CLN3: variants seen among roughly 807,000 people sequenced by gnomAD.
CLN3 encodes the protein CLN3 lysosomal/endosomal transmembrane protein, battenin.
In CLN3, 49 loss-of-function variants were observed where a neutral mutation model predicts 60.7. The ratio of observed to expected loss-of-function variants is 0.81; its 90% CI spans 0.64 to 1.02. CLN3 has a LOEUF of 1.02. CLN3 is among the 50% of genes least tolerant of loss of function. The pLI is 0.00. For missense variants in CLN3, 516 were observed against 557.4 expected, an observed-to-expected ratio of 0.93 and a Z score of 0.75; for synonymous variants, 256 against 245.8, an observed-to-expected ratio of 1.04 and a Z score of -0.39.
intron 9 of CLN3, 92 bp from the exon 10 acceptor site, chr16:28,484,210 T>A: frequency 1.1e-6 from 1 of 872,750 alleles, no homozygotes; most frequent in Non-Finnish European, 1.9e-6. Flanking sequence ...GGAACACCTC[T>A]ACCTTTGAAC....
At chr16:28,489,091 G>A (rs925084858) in intron 4 of CLN3, among the ~76,000 whole-genome samples, 199 bp downstream of exon 4, 2 of 151,994 alleles carry the variant, frequency 1.3e-5, no homozygotes, top group Non-Finnish European at 2.9e-5. Flanking sequence ...TAGTAGAGTC[G>A]GAGTTTCACC....
Position 28,482,330 on chromosome 16 carries a change from C to A in CLN3, c.959G>T (p.Arg320Leu), listed in dbSNP as rs138636923. The A allele has an allele frequency of 6.2e-7, 1 of 1,613,542 alleles. No homozygotes were observed. Among genetic ancestry groups the A allele is most frequent in the South Asian group, 1.1e-5 (1 of 91,024 alleles). The change falls in exon 13 of 16, where the codon CGC becomes CTC. Residue 320 changes from arginine to leucine, a missense_variant. Physicochemically the swap from Arg to Leu is moderately radical, Grantham distance 102. Coordinates refer to ENST00000636147, the MANE Select transcript of CLN3 (RefSeq NM_001042432.2). ...NTSLSHAQQY[R>L]WYQMLYQAGV... ...CCACTGCCCTCGCTCCTCTTACCAG[C>A]GGTATTGCTGAGCGTGACTCAGGGA...
At chr16:28,489,214 C>T (rs569237291) in intron 4 of CLN3, 76 bp downstream of exon 4, 10 of 1,201,538 alleles carry the variant, frequency 8.3e-6, no homozygotes, top group South Asian at 7.7e-5. Context: ...AGACTGGAAA[C>T]TTTACCCCAC....
intron 5 of CLN3, chr16:28,488,025 G>T: frequency 2.5e-6 from 1 of 402,520 alleles, no homozygotes; most frequent in Non-Finnish European, 4.7e-6. Context: ...GGTGCAGACA[G>T]AAAGGACTCA....
intron 9 of CLN3, among the ~76,000 whole-genome samples, chr16:28,485,367 G>A (rs1300413554): frequency 7.5e-6 from 1 of 133,378 alleles, no homozygotes; most frequent in Non-Finnish European, 1.5e-5. Context: ...AGGAGTTTGA[G>A]ACCAGCCTGG....
At chr16:28,482,575 G>T (rs1435894918) in intron 11 of CLN3, 30 bp from the exon 12 acceptor site, 12 of 1,613,918 alleles carry the variant, frequency 7.4e-6, no homozygotes, top group Non-Finnish European at 1.0e-5. Flanking sequence ...TAAGCGGGGG[G>T]CCTGGAGGTG....
At chr16:28,473,541 T>C (rs2045968756), downstream of CLN3, among the ~76,000 whole-genome samples, 1 of 152,174 alleles carries the variant, frequency 6.6e-6, no homozygotes, top group Admixed American at 6.5e-5. Context: ...CACTTAGATA[T>C]GTTACCAGAA....
chr16:28,482,958 G>A (rs1024951103), intron 10 of CLN3, among the ~76,000 whole-genome samples: 1 of 151,850 alleles, frequency 6.6e-6, no homozygotes, highest in African/African-American at 2.4e-5. Flanking sequence ...ACAAAAATTA[G>A]CCATGTGTGG....
downstream of CLN3, among the ~76,000 whole-genome samples, chr16:28,472,617 G>T (rs1286295094): frequency 6.6e-6 from 1 of 150,930 alleles, no homozygotes; most frequent in Non-Finnish European, 1.5e-5. Context: ...GAGGTGGGCG[G>T]ATCACTTGAG....
In CLN3 at chr16:28,488,680, T is replaced by A. The variant is rs761423562; in HGVS notation, c.223-18A>T. 3.7e-6 allele frequency: 6 copies of A among 1,613,292 alleles called. No homozygotes were observed. In the South Asian group the frequency reaches 5.5e-5, roughly 15 times the overall value. On this transcript the variant is annotated intron_variant, in intron 4 of 15. Transcript: ENST00000636147. ...GGGTCCACCTAATGGGAGAAAAGCA[T>A]GTCTTTCACCCTGGAGGCAGAGGGA... is the stretch of plus-strand genomic sequence containing the variant.
Position 28,491,870 on chromosome 16 carries a change from C to T in CLN3, c.-76-35G>A, listed in dbSNP as rs1485383434. The T allele has an allele frequency of 2.9e-5, 40 of 1,387,944 alleles. No individual in the cohort carries two copies. In the East Asian group the frequency reaches 9.3e-4, roughly 32 times the overall value. The allele number at this position is 1,387,944 out of a possible 1,614,324, so 86.0% of individuals were successfully genotyped here. A position where few individuals can be genotyped will look rare whatever the true frequency, so the allele number is the denominator to read the frequency against. On this transcript the variant is annotated intron_variant, in intron 1 of 15. Coordinates refer to ENST00000636147, the MANE Select transcript of CLN3 (RefSeq NM_001042432.2). Reference sequence around the variant, plus strand: ...GTGACAAGGATCAACGCCCGATTGCCGGTCCCAGCTCCGGCTTGTCTAGGG... The same window carrying T: ...GTGACAAGGATCAACGCCCGATTGCTGGTCCCAGCTCCGGCTTGTCTAGGG...
intron 10 of CLN3, 64 bp downstream of exon 10, chr16:28,483,942 A>G: frequency 8.6e-7 from 1 of 1,161,620 alleles, no homozygotes; most frequent in Non-Finnish European, 1.3e-6. Context: ...TGCCTATTGC[A>G]GAGAGGAAAA....
Position 28,484,269 on chromosome 16 carries a change from G to A in CLN3, c.678-151C>T, listed in dbSNP as rs373942836. On this transcript the variant is annotated intron_variant, in intron 9 of 15. Coordinates refer to ENST00000636147, the MANE Select transcript of CLN3 (RefSeq NM_001042432.2). ...TGCCTCTAAGGCTCCTACGCTGTGC[G>A]GGAGAGCTCCAATTGTGGACAAAGG... The A allele has an allele frequency of 5.9e-5, 40 of 678,712 alleles. 1 individual carries two copies. Among genetic ancestry groups the A allele is most frequent in the Admixed American group, 6.7e-5 (3 of 44,922 alleles). The allele number at this position is 678,712 out of a possible 1,614,324, so 42.0% of individuals were successfully genotyped here. A position where few individuals can be genotyped will look rare whatever the true frequency, so the allele number is the denominator to read the frequency against.
intron 14 of CLN3, 76 bp downstream of exon 14, chr16:28,482,029 A>C (rs2046105121): frequency 1.9e-6 from 2 of 1,064,846 alleles, no homozygotes; most frequent in Non-Finnish European, 2.9e-6. Context: ...GATAGTGGGA[A>C]GCAGGGGGTT....
chr16:28,477,200 C>T (rs1469049386), downstream of CLN3: 7 of 396,996 alleles, frequency 1.8e-5, no homozygotes, highest in Non-Finnish European at 3.3e-5. Context: ...CTTCTTTATG[C>T]TGTCTATATA....
chr16:28,481,417 A>AACACACACACAC (rs767753225), intron 14 of CLN3, among the ~76,000 whole-genome samples: 6 of 129,638 alleles, frequency 4.6e-5, no homozygotes, highest in Admixed American at 7.9e-5. Context: ...CAATGCTTAA[A>AACACACACACAC]ACACACACAC....
intron 3 of CLN3, among the ~76,000 whole-genome samples, 169 bp downstream of exon 3, chr16:28,491,313 G>A (rs770285147): frequency 2.0e-5 from 3 of 152,198 alleles, no homozygotes; most frequent in Non-Finnish European, 4.4e-5. Context: ...AAGGTGATAA[G>A]GAGTGAAGTT....
At chr16:28,471,407 A>T (rs367573016), downstream of CLN3, among the ~76,000 whole-genome samples, 55 of 106,916 alleles carry the variant, frequency 5.1e-4, no homozygotes, top group African/African-American at 1.1e-3. Context: ...ATTTTAAGCA[A>T]GCATGGTACA....
intron 10 of CLN3, 71 bp downstream of exon 10, chr16:28,483,935 C>T (rs914789632): frequency 3.7e-5 from 39 of 1,055,564 alleles, no homozygotes; most frequent in Admixed American, 6.0e-5. Context: ...TTAACTTTGC[C>T]TATTGCAGAG....
Sources: allele counts gnomAD v4.1 joint callset (sites outside exome capture counted in the v4.1 genomes callset), GRCh38; gene constraint gnomAD v4.1.1; transcripts MANE v1.5; gene names NCBI Gene and HGNC (gene_info 2026-07-23, HGNC 2026-07-21).